PLCB4: variants seen among roughly 807,000 people sequenced by gnomAD.
PLCB4 encodes the protein 1-phosphatidylinositol 4,5-bisphosphate phosphodiesterase beta-4.
A neutral mutation model predicts 178.8 loss-of-function variants in PLCB4; 77 were observed. The observed-to-expected ratio is 0.43, with a 90% CI of 0.36 to 0.52. The LOEUF is 0.52. Among genes scored for constraint, PLCB4 ranks in the 20% least tolerant of loss-of-function variants. The pLI is 0.00. For synonymous variants in PLCB4, 496 were observed against 490.8 expected (o/e 1.01, Z -0.14); for missense variants, 1,024 against 1,453.4 (o/e 0.70, Z 4.80).
intron 2 of PLCB4, among the ~76,000 whole-genome samples, chr20:9,182,270 A>G (rs2147095431): frequency 6.6e-6 from 1 of 152,230 alleles, no homozygotes; most frequent in Middle Eastern, 3.4e-3. Flanking sequence ...AAAGTGAGTA[A>G]AGGGTTGAGG....
At chr20:9,107,591 G>C (rs1221064121) in intron 2 of PLCB4, among the ~76,000 whole-genome samples, 1 of 152,112 alleles carries the variant, frequency 6.6e-6, no homozygotes, top group Non-Finnish European at 1.5e-5. Context: ...TGCTGTTTCT[G>C]AAGAAGAGCA....
chr20:9,410,052 C>CA (rs2039747243), intron 24 of PLCB4, among the ~76,000 whole-genome samples: 1 of 152,146 alleles, frequency 6.6e-6, no homozygotes, highest in Non-Finnish European at 1.5e-5. Flanking sequence ...TTTTTAAAAT[C>CA]TATTTTGTAT....
rs529142665 is a variant in PLCB4 at position 9,278,523 on chromosome 20, G to A, written c.-15-29277G>A. On this transcript the variant is annotated intron_variant, in intron 3 of 39. Transcript: ENST00000378473. ...TTTAGAAAAAGGTTTGAACAAAAAT[G>A]TTTGCTTATTAATTTATCCATGGTT... Among the ~76,000 whole-genome samples, 9 of 152,124 alleles carry A rather than the reference G, an allele frequency of 5.9e-5. No homozygotes were observed. In the South Asian group the frequency reaches 1.0e-3, roughly 18 times the overall value.
chr20:9,281,763 A>T (rs2094496264), intron 3 of PLCB4, among the ~76,000 whole-genome samples: 1 of 151,950 alleles, frequency 6.6e-6, no homozygotes, highest in Non-Finnish European at 1.5e-5. Flanking sequence ...GATGGCTGAT[A>T]CCTTTCCTTC....
At chr20:9,146,841 A>T (rs890535340) in intron 2 of PLCB4, among the ~76,000 whole-genome samples, 5 of 152,148 alleles carry the variant, frequency 3.3e-5, no homozygotes, top group Non-Finnish European at 7.4e-5. Flanking sequence ...TGAGGAAGGA[A>T]TTGGCGAGGT....
intron 3 of PLCB4, among the ~76,000 whole-genome samples, chr20:9,226,311 A>G (rs1054466357): frequency 5.9e-5 from 9 of 152,236 alleles, no homozygotes; most frequent in African/African-American, 1.9e-4. Flanking sequence ...TAGAATTTGG[A>G]TAGATGCCGT....
chr20:9,374,152 A>G (rs1407884352), intron 12 of PLCB4, among the ~76,000 whole-genome samples: 2 of 152,206 alleles, frequency 1.3e-5, no homozygotes, highest in Non-Finnish European at 2.9e-5. Context: ...TCAAATTTAT[A>G]AAGGTCGCAC....
intron 7 of PLCB4, among the ~76,000 whole-genome samples, chr20:9,355,015 T>G (rs1304838321): frequency 1.3e-5 from 2 of 152,220 alleles, no homozygotes; most frequent in Non-Finnish European, 2.9e-5. Flanking sequence ...ATTCTAATTA[T>G]TAGTTAGAAT....
intron 1 of PLCB4, among the ~76,000 whole-genome samples, chr20:9,091,001 C>T (rs955231542): frequency 2.6e-5 from 4 of 152,006 alleles, no homozygotes; most frequent in African/African-American, 7.3e-5. Flanking sequence ...TCAATCAATT[C>T]GATATGTTGT....
intron 2 of PLCB4, among the ~76,000 whole-genome samples, chr20:9,195,206 G>A (rs1243211870): frequency 6.6e-6 from 1 of 152,128 alleles, no homozygotes; most frequent in African/African-American, 2.4e-5. Context: ...GTGGAACTGG[G>A]GCTTATCACA....
At chr20:9,318,888 C>A (rs1435260492) in intron 4 of PLCB4, among the ~76,000 whole-genome samples, 1 of 152,184 alleles carries the variant, frequency 6.6e-6, no homozygotes, top group Non-Finnish European at 1.5e-5. Flanking sequence ...TCTTCTCAAC[C>A]TGCAGTATAA....
At chr20:9,247,740 A>G (rs571702597) in intron 3 of PLCB4, among the ~76,000 whole-genome samples, 5 of 152,272 alleles carry the variant, frequency 3.3e-5, no homozygotes, top group East Asian at 3.9e-4. Context: ...TTATGTAAAC[A>G]TAGATTTCCT....
chr20:9,284,626 TC>T (rs1414330634), intron 3 of PLCB4, among the ~76,000 whole-genome samples: 2 of 151,720 alleles, frequency 1.3e-5, no homozygotes, highest in Non-Finnish European at 2.9e-5. Context: ...CTCACCTTGG[TC>T]CCCCCTGTGA....
chr20:9,118,568 C>A (rs2091860021), intron 2 of PLCB4, among the ~76,000 whole-genome samples: 1 of 151,830 alleles, frequency 6.6e-6, no homozygotes, highest in Admixed American at 6.6e-5. Context: ...GTGTAATTTA[C>A]ACACAGCACA....
chr20:9,352,430 A>T (rs1249797496), intron 7 of PLCB4, among the ~76,000 whole-genome samples: 1 of 152,254 alleles, frequency 6.6e-6, no homozygotes, highest in Non-Finnish European at 1.5e-5. Context: ...CTATTAATAT[A>T]TAGAATCAGG....
At chr20:9,419,949 C>A in intron 26 of PLCB4, 40 bp downstream of exon 26, 2 of 1,166,022 alleles carry the variant, frequency 1.7e-6, no homozygotes, top group South Asian at 1.3e-5. Flanking sequence ...TAAATGTATA[C>A]ACAAGTGGTC....
chr20:9,369,288 T>G lies in PLCB4; in HGVS notation c.504-1926T>G, dbSNP rs78067266. ...TTAGCTGGGATACCCCTGAGATTGC[T>G]ATGCAAAGATTGTTCTCCTGAGAGC... On this transcript the variant is annotated intron_variant, in intron 9 of 39. Transcript: ENST00000378473. 2.0e-5 allele frequency among the ~76,000 whole-genome samples: 3 copies of G among 152,342 alleles called. No individual in the cohort carries two copies. In the East Asian group the frequency reaches 5.8e-4, roughly 29 times the overall value.
intron 2 of PLCB4, among the ~76,000 whole-genome samples, chr20:9,145,731 A>G (rs747209744): frequency 5.3e-5 from 8 of 152,058 alleles, no homozygotes; most frequent in Non-Finnish European, 8.8e-5. Context: ...TGAGCCACCT[A>G]AATTGGAATA....
At chr20:9,090,225 A>ATGTGTGTGTGTGTGTGTGTGTG (rs11087835) in intron 1 of PLCB4, among the ~76,000 whole-genome samples, 1 of 149,406 alleles carries the variant, frequency 6.7e-6, no homozygotes. Context: ...AATACTATTT[A>ATGTGTGTGTGTGTGTGTGTGTG]TGTGTGTGTG....
Sources: allele counts gnomAD v4.1 joint callset (sites outside exome capture counted in the v4.1 genomes callset), GRCh38; gene constraint gnomAD v4.1.1; transcripts MANE v1.5; gene names NCBI Gene and HGNC (gene_info 2026-07-23, HGNC 2026-07-21).